Variants in RLF observed in about 807,000 individuals in gnomAD.
RLF encodes zinc finger protein Rlf.
Under a neutral mutation model 162.9 loss-of-function variants are expected in RLF, and 7 were observed. The ratio of observed to expected loss-of-function variants is 0.04; its 90% confidence interval spans 0.02 to 0.08. The LOEUF (loss-of-function observed/expected upper bound fraction) is 0.08, where lower values mean the gene tolerates loss of function less well. Ranked by LOEUF, RLF falls within the 10% of genes least tolerant of loss-of-function variation. RLF has a pLI of 1.00. For synonymous variants in RLF, 782 were observed against 791.5 expected, an observed-to-expected ratio of 0.99 and a Z score of 0.20; for missense variants, 1,664 against 2,244.7, an observed-to-expected ratio of 0.74 and a Z score of 5.23.
intron 5 of RLF, among the ~76,000 whole-genome samples, chr1:40,219,577 G>A (rs1274935665): frequency 6.6e-6 from 1 of 152,120 alleles, no homozygotes; most frequent in Non-Finnish European, 1.5e-5. Context: ...CTCTTGAATT[G>A]GAAGCTTATA....
intron 1 of RLF, among the ~76,000 whole-genome samples, chr1:40,177,050 C>T (rs1478755639): frequency 2.6e-5 from 4 of 151,188 alleles, no homozygotes; most frequent in East Asian, 1.9e-4. Flanking sequence ...TGCAATGGCG[C>T]GACCTTGACT....
intron 1 of RLF, among the ~76,000 whole-genome samples, chr1:40,176,740 G>C (rs980993571): frequency 2.6e-5 from 4 of 152,108 alleles, no homozygotes; most frequent in Non-Finnish European, 5.9e-5. Flanking sequence ...AGTGTGCCTG[G>C]CCCTAATGAC....
chr1:40,180,604 C>T (rs1642392671), intron 1 of RLF, among the ~76,000 whole-genome samples: 1 of 152,008 alleles, frequency 6.6e-6, no homozygotes, highest in African/African-American at 2.4e-5. Context: ...GGTGCGAAGT[C>T]GTATCTCATT....
chr1:40,226,513 A>T (rs927720329), intron 6 of RLF, among the ~76,000 whole-genome samples: 1 of 152,210 alleles, frequency 6.6e-6, no homozygotes, highest in Non-Finnish European at 1.5e-5. Context: ...ATGTAGTTAC[A>T]TGTCTGTTCT....
At chr1:40,224,607 C>T (rs1341591025) in intron 6 of RLF, among the ~76,000 whole-genome samples, 7 of 86,592 alleles carry the variant, frequency 8.1e-5, no homozygotes, top group Non-Finnish European at 1.2e-4. Flanking sequence ...TTTTCCCCTT[C>T]CATTGTTTTT....
At chr1:40,187,508 A>G (rs953450906) in intron 1 of RLF, among the ~76,000 whole-genome samples, 7 of 152,196 alleles carry the variant, frequency 4.6e-5, no homozygotes, top group Non-Finnish European at 8.8e-5. Context: ...CTTTTCTGAA[A>G]TTACAGAAGG....
At chr1:40,210,812 T>C (rs753990458) in intron 5 of RLF, among the ~76,000 whole-genome samples, 1 of 152,164 alleles carries the variant, frequency 6.6e-6, no homozygotes, top group Non-Finnish European at 1.5e-5. Flanking sequence ...TGCTGCTAAT[T>C]AGAAGAAAGA....
intron 4 of RLF, among the ~76,000 whole-genome samples, chr1:40,197,430 A>G (rs965342772): frequency 6.6e-6 from 1 of 152,196 alleles, no homozygotes; most frequent in African/African-American, 2.4e-5. Flanking sequence ...TATCCAGATA[A>G]GTCTTGACTG....
intron 1 of RLF, among the ~76,000 whole-genome samples, chr1:40,169,208 A>G (rs1391641143): frequency 3.3e-5 from 5 of 152,152 alleles, no homozygotes; most frequent in Admixed American, 1.3e-4. Context: ...TAACTTTCCC[A>G]GGATCACACA....
At chr1:40,202,699 G>A (rs1642733930) in intron 5 of RLF, 85 bp downstream of exon 5, 1 of 826,552 alleles carries the variant, frequency 1.2e-6, no homozygotes, top group East Asian at 3.3e-5. Context: ...TTTCCCTTTA[G>A]AATGAAAACC....
chr1:40,209,837 A>G (rs1432824735), intron 5 of RLF, among the ~76,000 whole-genome samples: 1 of 151,146 alleles, frequency 6.6e-6, no homozygotes, highest in Non-Finnish European at 1.5e-5. Context: ...GGATCGTGCC[A>G]TTTGCACTCG....
chr1:40,194,626 C>T (rs1348130170), intron 3 of RLF, among the ~76,000 whole-genome samples: 3 of 151,582 alleles, frequency 2.0e-5, no homozygotes, highest in Admixed American at 6.6e-5. Flanking sequence ...ATAAATCAGC[C>T]TCCACCAGGG....
chr1:40,195,799 T>C, intron 4 of RLF, 35 bp downstream of exon 4: 1 of 1,584,192 alleles, frequency 6.3e-7, no homozygotes, highest in Middle Eastern at 1.8e-4. Flanking sequence ...GAGGATTTAG[T>C]TCTGAGAACG....
chr1:40,225,569 ACT>A (rs1444114544), intron 6 of RLF, among the ~76,000 whole-genome samples: 5 of 111,678 alleles, frequency 4.5e-5, no homozygotes, highest in Non-Finnish European at 5.3e-5. Context: ...ACAGAGCAAG[ACT>A]CTGTCTCAAA....
chr1:40,165,586 G>T (rs1446000090), intron 1 of RLF, among the ~76,000 whole-genome samples: 2 of 151,930 alleles, frequency 1.3e-5, no homozygotes, highest in African/African-American at 4.8e-5. Flanking sequence ...TTTTTGGGGG[G>T]ACACTGTACA....
At position 40,161,697 on chromosome 1, in the gene RLF, G is replaced by A; in HGVS notation, c.237+61G>A. On this transcript the variant is annotated intron_variant, in intron 1 of 7. Coordinates refer to ENST00000372771, the MANE Select transcript of RLF (RefSeq NM_012421.4). This position sits in a 1 kb window ranked among gnomAD's most constrained non-coding sequence, Gnocchi z 4.4. ...CGGGGAAGTCAGGGAAGGAGGCCCT[G>A]GATCCTCTGTAAGCAGCCGGGTCCA... 1 of 1,587,546 alleles carries A rather than the reference G, an allele frequency of 6.3e-7. No individual in the cohort carries two copies. The highest frequency in any genetic ancestry group is 1.4e-5 in the African/African-American group (1 of 73,624).
chr1:40,221,531 G>A (rs1162032011), intron 5 of RLF, among the ~76,000 whole-genome samples: 1 of 151,718 alleles, frequency 6.6e-6, no homozygotes, highest in East Asian at 1.9e-4. Context: ...ACTAAAATTA[G>A]AGCCTTAGAA....
intron 4 of RLF, among the ~76,000 whole-genome samples, chr1:40,200,069 G>A (rs1642690343): frequency 6.6e-6 from 1 of 152,186 alleles, no homozygotes; most frequent in Non-Finnish European, 1.5e-5. Flanking sequence ...CCAAGTGATT[G>A]TGACCTGTTT....
intron 1 of RLF, among the ~76,000 whole-genome samples, chr1:40,187,914 A>G (rs1226433223): frequency 1.3e-5 from 2 of 152,242 alleles, no homozygotes; most frequent in Non-Finnish European, 2.9e-5. Context: ...TTCTAGGGTA[A>G]TGAATTCAGA....
Sources: gnomAD v4.1 joint callset for allele counts (sites outside exome capture counted in the v4.1 genomes callset) on GRCh38, gnomAD v4.1.1 for gene constraint, Gnocchi (gnomAD v3.1) non-coding constraint, MANE v1.5 for transcripts, NCBI Gene and HGNC (gene_info 2026-07-23, HGNC 2026-07-21) for gene names.